Variants in AGTPBP1 observed in about 807,000 individuals in gnomAD.
AGTPBP1 encodes the protein cytosolic carboxypeptidase 1.
In AGTPBP1, 70 loss-of-function variants were observed where a neutral mutation model predicts 143.9. The ratio of observed to expected loss-of-function variants is 0.49; its 90% CI spans 0.40 to 0.59. The LOEUF (loss-of-function observed/expected upper bound fraction) is 0.59, where lower values mean the gene tolerates loss of function less well. Ranked by LOEUF, AGTPBP1 falls within the 20% of genes least tolerant of loss-of-function variation. The probability of loss-of-function intolerance (pLI) is 0.00; values close to 1 mark genes in which losing one functional copy is unlikely to be tolerated. For missense variants in AGTPBP1, 1,229 were observed against 1,464.5 expected (o/e 0.84, Z 2.62); for synonymous variants, 463 against 500.2 (o/e 0.93, Z 0.99).
chr9:85,734,791 T>C (rs1248897412), intron 1 of AGTPBP1, among the ~76,000 whole-genome samples: 1 of 152,126 alleles, frequency 6.6e-6, no homozygotes, highest in Non-Finnish European at 1.5e-5. Flanking sequence ...AGGTCTTCCA[T>C]GGGAGGCCGA....
intron 17 of AGTPBP1, among the ~76,000 whole-genome samples, chr9:85,601,681 C>T (rs1171478559): frequency 6.6e-6 from 1 of 152,186 alleles, no homozygotes; most frequent in Non-Finnish European, 1.5e-5. Flanking sequence ...GACCCACCCA[C>T]CTATCTGGCC....
chr9:85,788,817 T>C, the AGTPBP1 span, among the ~76,000 whole-genome samples: 84 of 150,972 alleles, frequency 5.6e-4, no homozygotes, highest in African/African-American at 2.0e-3. Flanking sequence ...GATATAGATA[T>C]ATATAATGGC....
chr9:85,701,755 A>G (rs1351732953), intron 2 of AGTPBP1, among the ~76,000 whole-genome samples: 1 of 152,202 alleles, frequency 6.6e-6, no homozygotes, highest in Admixed American at 6.5e-5. Flanking sequence ...TATGAGATCA[A>G]CTTAGATGTA....
At chr9:85,624,665 A>G (rs1224880063) in intron 14 of AGTPBP1, among the ~76,000 whole-genome samples, 2 of 152,308 alleles carry the variant, frequency 1.3e-5, no homozygotes, top group East Asian at 3.9e-4. Flanking sequence ...CTTTGCCACA[A>G]TTCTTTATCT....
At chr9:85,741,384 G>T (rs981894489) in intron 1 of AGTPBP1, 19 of 985,142 alleles carry the variant, frequency 1.9e-5, no homozygotes, top group Non-Finnish European at 2.2e-5. Flanking sequence ...GCCCGCCCCC[G>T]GCCCTGCAGC....
intron 1 of AGTPBP1, among the ~76,000 whole-genome samples, chr9:85,718,701 T>C (rs575768328): frequency 1.1e-4 from 16 of 152,346 alleles, no homozygotes; most frequent in African/African-American, 3.8e-4. Context: ...ATTTTGGCTT[T>C]TGTTGCCATT....
At chr9:85,594,814 A>G (rs1275505459) in intron 18 of AGTPBP1, among the ~76,000 whole-genome samples, 2 of 152,220 alleles carry the variant, frequency 1.3e-5, no homozygotes, top group Non-Finnish European at 2.9e-5. Context: ...TGCTATGATC[A>G]TTCATTTTGC....
In AGTPBP1 at chr9:85,726,286, G is replaced by GTTA. The variant is rs58617646; in HGVS notation, c.-33-13723_-33-13721dup. Among the ~76,000 whole-genome samples the GTTA allele has an allele frequency of 9.6e-3, 1,456 of 151,622 alleles. 28 individuals are homozygous for GTTA. The highest frequency in any genetic ancestry group is 0.033 in the African/African-American group (1,366 of 41,340). On this transcript the variant is annotated intron_variant, in intron 1 of 25. Coordinates refer to ENST00000357081, the MANE Select transcript of AGTPBP1 (RefSeq NM_001330701.2). ...AAAAATGTTTACATGTTGCAACTCA[G>GTTA]TTACCCCCAATGTTTTGCTATTTGG...
At chr9:85,720,908 T>C (rs1178339345) in intron 1 of AGTPBP1, among the ~76,000 whole-genome samples, 2 of 152,242 alleles carry the variant, frequency 1.3e-5, no homozygotes, top group Non-Finnish European at 2.9e-5. Flanking sequence ...TCTCTCTGCC[T>C]TCATTCCGTT....
chr9:85,665,068 T>C (rs1834052872), intron 8 of AGTPBP1, among the ~76,000 whole-genome samples: 1 of 152,210 alleles, frequency 6.6e-6, no homozygotes, highest in Admixed American at 6.6e-5. Flanking sequence ...ATCACTGTTA[T>C]GGGTTGAATT....
the AGTPBP1 span, chr9:85,770,188 A>G: frequency 1.3e-6 from 1 of 785,398 alleles, no homozygotes; most frequent in Non-Finnish European, 2.0e-6. Flanking sequence ...GAGTGGTAAT[A>G]TCCATTAGAC....
chr9:85,748,839 C>T, the AGTPBP1 span, among the ~76,000 whole-genome samples: 1 of 150,550 alleles, frequency 6.6e-6, no homozygotes, highest in East Asian at 2.0e-4. Context: ...TGGGTTTTAA[C>T]TCCTCATCTC....
intron 22 of AGTPBP1, 98 bp downstream of exon 22, chr9:85,586,733 C>A: frequency 7.6e-7 from 1 of 1,319,174 alleles, no homozygotes. Context: ...TAACATAATG[C>A]ATTAATTTGA....
At chr9:85,770,298 T>C in the AGTPBP1 span, 2 of 1,599,124 alleles carry the variant, frequency 1.3e-6, no homozygotes, top group South Asian at 1.1e-5. Flanking sequence ...AACATGTTCT[T>C]TTCCAACTTG....
At chr9:85,550,663 T>C (rs1016916760) in intron 25 of AGTPBP1, among the ~76,000 whole-genome samples, 1 of 152,202 alleles carries the variant, frequency 6.6e-6, no homozygotes, top group Non-Finnish European at 1.5e-5. Flanking sequence ...TATAGTCCCA[T>C]GACCGTCTCA....
At position 85,601,732 on chromosome 9, in the gene AGTPBP1, G is replaced by T. The variant is rs538237808; in HGVS notation, c.2336-5283C>A. 3.7e-4 allele frequency among the ~76,000 whole-genome samples: 57 copies of T among 152,262 alleles called. No homozygotes were observed. In the South Asian group the frequency reaches 0.012, roughly 32 times the overall value. On this transcript the variant is annotated intron_variant, in intron 17 of 25. Transcript: ENST00000357081. ...CAGCATCTGAGAAAGTTGCATGGGG[G>T]CCCAAGAACTGGCCCATTTAGACCC...
the AGTPBP1 span, among the ~76,000 whole-genome samples, chr9:85,760,291 C>T: frequency 6.6e-6 from 1 of 152,132 alleles, no homozygotes; most frequent in African/African-American, 2.4e-5. Flanking sequence ...CATCCTGATA[C>T]CAAAGCCTGG....
At chr9:85,662,166 T>C (rs1387623855) in intron 8 of AGTPBP1, among the ~76,000 whole-genome samples, 1 of 152,010 alleles carries the variant, frequency 6.6e-6, no homozygotes, top group Non-Finnish European at 1.5e-5. Context: ...TTAAGATGGG[T>C]AGGTAAAGTT....
chr9:85,664,104 T>C (rs537075004), intron 8 of AGTPBP1, among the ~76,000 whole-genome samples: 23 of 152,160 alleles, frequency 1.5e-4, no homozygotes, highest in Non-Finnish European at 2.8e-4. Flanking sequence ...ATAAAATTCC[T>C]GAACTTACAT....
Sources: allele counts gnomAD v4.1 joint callset (sites outside exome capture counted in the v4.1 genomes callset), GRCh38; gene constraint gnomAD v4.1.1; transcripts MANE v1.5; gene names NCBI Gene and HGNC (gene_info 2026-07-23, HGNC 2026-07-21).